VPS13A: variants seen among roughly 807,000 people sequenced by gnomAD.
VPS13A encodes the protein intermembrane lipid transfer protein VPS13A.
VPS13A carries 264 observed loss-of-function variants against 390.9 expected under a neutral mutation model. That is an observed-to-expected ratio of 0.68 (90% confidence interval 0.61 to 0.75). The LOEUF is 0.75. VPS13A is among the 30% of genes least tolerant of loss of function. VPS13A has a pLI of 0.00. For missense variants in VPS13A, 3,409 were observed against 3,733.9 expected, an observed-to-expected ratio of 0.91 and a Z score of 2.27; for synonymous variants, 1,231 against 1,227.1, an observed-to-expected ratio of 1.00 and a Z score of -0.07.
At position 77,221,278 on chromosome 9, in the gene VPS13A, A is replaced by G. The variant is rs752820727; in HGVS notation, c.1083A>G (p.Lys361=). ...SWKHIRKHRQ[K]VKQYKELYKK... ...AGCATATTAGAAAACATAGGCAAAAAGTGAAGCAATATAAAGAACTGTATA... is the reference window on the plus strand; with the variant it reads ...AGCATATTAGAAAACATAGGCAAAAGGTGAAGCAATATAAAGAACTGTATA... The change falls in exon 13 of 72, where the codon AAA becomes AAG. Residue 361 remains lysine (K), a synonymous_variant. Transcript: ENST00000360280. The G allele has an allele frequency of 6.2e-7, 1 of 1,613,578 alleles. No homozygotes were observed. The highest frequency in any genetic ancestry group is 1.7e-5 in the Admixed American group (1 of 59,988).
chr9:77,199,967 T>TA lies in VPS13A; in HGVS notation c.123_124insA (p.Gln42ThrfsTer3). On this transcript the variant is annotated frameshift_variant, in exon 2 of 72. Transcript: ENST00000360280. LOFTEE classifies it high-confidence loss of function. ...TAGGAGCTGTGGCCCTCAAGAATCT[T>TA]CAAATTAAAGAAAATGCCCTGGTAG... 6.2e-7 allele frequency: 1 copy of TA among 1,608,874 alleles called. No homozygotes were observed. Among genetic ancestry groups the TA allele is most frequent in the Non-Finnish European group, 8.5e-7 (1 of 1,177,726 alleles).
Position 77,220,447 on chromosome 9 carries a change from G to A in VPS13A, c.989+64G>A, listed in dbSNP as rs115990821. 719 of 1,122,532 alleles carry A rather than the reference G, an allele frequency of 6.4e-4. 2 individuals are homozygous for A. In the African/African-American group the frequency reaches 0.01, roughly 16 times the overall value. The allele number at this position is 1,122,532 out of a possible 1,614,324, so 69.5% of individuals were successfully genotyped here. A position where few individuals can be genotyped will look rare whatever the true frequency, so the allele number is the denominator to read the frequency against. On this transcript the variant is annotated intron_variant, in intron 12 of 71. Transcript: ENST00000360280. ...AATACAACATAAAAATAAATTTCTC[G>A]ACTTCAAGAATAATCTTTAAGATAT...
intron 45 of VPS13A, among the ~76,000 whole-genome samples, chr9:77,325,331 AG>A (rs1319338905): frequency 2.6e-5 from 4 of 151,766 alleles, no homozygotes; most frequent in Non-Finnish European, 5.9e-5. Flanking sequence ...CCATGGCTCA[AG>A]GGCTGGGGAC....
At chr9:77,228,397 GTT>G in intron 17 of VPS13A, 133 bp downstream of exon 17, 3 of 764,768 alleles carry the variant, frequency 3.9e-6, no homozygotes, top group Non-Finnish European at 5.6e-6. Flanking sequence ...CAGGAAAAAG[GTT>G]TTTTTTTTAA....
intron 61 of VPS13A, among the ~76,000 whole-genome samples, chr9:77,367,388 TA>T (rs1254145622): frequency 4.6e-5 from 7 of 152,194 alleles, no homozygotes; most frequent in Non-Finnish European, 8.8e-5. Flanking sequence ...TAGAAGAGAA[TA>T]ACCCTTTCAA....
chr9:77,284,807 G>C (rs1827239875), intron 31 of VPS13A, among the ~76,000 whole-genome samples: 1 of 151,942 alleles, frequency 6.6e-6, no homozygotes, highest in Non-Finnish European at 1.5e-5. Context: ...GGGTTTCAGT[G>C]ATTCTCGTGC....
intron 1 of VPS13A, among the ~76,000 whole-genome samples, chr9:77,189,852 C>CT (rs35434052): frequency 0.2 from 29,829 of 151,960 alleles, 3,790 homozygotes; most frequent in East Asian, 0.4. Context: ...GCATTTTATT[C>CT]TTTTTGTGGC....
In VPS13A at chr9:77,214,211, G is replaced by T. The variant is rs1822711920; in HGVS notation, c.697-118G>T. The T allele has an allele frequency of 2.3e-5, 19 of 819,076 alleles. No individual in the cohort carries two copies. The Admixed American group carries it at 3.4e-4, about 15-fold the overall frequency. The allele number at this position is 819,076 out of a possible 1,614,324, so 50.7% of individuals were successfully genotyped here. The stretch of plus-strand genomic sequence containing the variant: ...GAATCGCATGAGTCCATGAGACAGG[G>T]GTTGCAGTGAGCTGAGATTGCACCA... On this transcript the variant is annotated intron_variant, in intron 9 of 71. Transcript: ENST00000360280.
At chr9:77,237,101 G>T (rs1378697406) in intron 17 of VPS13A, among the ~76,000 whole-genome samples, 3 of 151,992 alleles carry the variant, frequency 2.0e-5, no homozygotes, top group East Asian at 3.9e-4. Flanking sequence ...TGTTGGCCAG[G>T]ATGGTCTCGA....
chr9:77,349,844 A>C (rs752172156), intron 52 of VPS13A, among the ~76,000 whole-genome samples: 42 of 152,018 alleles, frequency 2.8e-4, no homozygotes, highest in Middle Eastern at 3.2e-3. Flanking sequence ...GGGTTTCACC[A>C]TGTTGGCCAG....
intron 19 of VPS13A, among the ~76,000 whole-genome samples, chr9:77,245,339 A>G (rs541894583): frequency 6.6e-6 from 1 of 152,370 alleles, no homozygotes; most frequent in Admixed American, 6.5e-5. Context: ...AAATGAAGAT[A>G]GAGAAATGCT....
chr9:77,204,933 C>G (rs1385353779), intron 3 of VPS13A, among the ~76,000 whole-genome samples: 1 of 152,080 alleles, frequency 6.6e-6, no homozygotes, highest in African/African-American at 2.4e-5. Flanking sequence ...CTGGCCTAAT[C>G]TACCATCTTA....
intron 46 of VPS13A, among the ~76,000 whole-genome samples, chr9:77,333,501 A>C (rs1042284282): frequency 1.4e-5 from 2 of 138,212 alleles, no homozygotes; most frequent in South Asian, 4.4e-4. Context: ...GCGGGATCTC[A>C]GCTCCCAGGT....
chr9:77,293,172 A>T (rs1463527049), intron 31 of VPS13A, among the ~76,000 whole-genome samples, 169 bp from the exon 32 acceptor site: 2 of 152,204 alleles, frequency 1.3e-5, no homozygotes, highest in African/African-American at 4.8e-5. Flanking sequence ...TTTGTAGTGT[A>T]GGTTCCAATA....
intron 10 of VPS13A, among the ~76,000 whole-genome samples, chr9:77,215,745 G>T (rs1822825890): frequency 6.6e-6 from 1 of 152,242 alleles, no homozygotes; most frequent in Non-Finnish European, 1.5e-5. Context: ...AGACCTTGTT[G>T]GAGGACATAG....
intron 23 of VPS13A, among the ~76,000 whole-genome samples, chr9:77,261,136 T>G (rs1176948869): frequency 6.6e-6 from 1 of 151,984 alleles, no homozygotes; most frequent in East Asian, 1.9e-4. Context: ...CCTGACCTTG[T>G]GATCCACCCG....
intron 46 of VPS13A, among the ~76,000 whole-genome samples, chr9:77,336,920 C>T (rs953332549): frequency 1.3e-5 from 2 of 150,844 alleles, no homozygotes; most frequent in Admixed American, 1.3e-4. Flanking sequence ...CCTCAGCCTC[C>T]TGAGTAGCTG....
intron 19 of VPS13A, among the ~76,000 whole-genome samples, 199 bp downstream of exon 19, chr9:77,238,585 A>G (rs1200155402): frequency 9.8e-5 from 15 of 152,334 alleles, no homozygotes; most frequent in Non-Finnish European, 1.9e-4. Flanking sequence ...CAGAAAGTTC[A>G]TACCTAGTAA....
intron 35 of VPS13A, among the ~76,000 whole-genome samples, chr9:77,312,045 T>C (rs1829103663): frequency 6.6e-6 from 1 of 152,072 alleles, no homozygotes; most frequent in African/African-American, 2.4e-5. Flanking sequence ...GAGTAAGATA[T>C]TAGAAATGAA....
Sources: gnomAD v4.1 joint callset for allele counts (sites outside exome capture counted in the v4.1 genomes callset) on GRCh38, gnomAD v4.1.1 for gene constraint, MANE v1.5 for transcripts, NCBI Gene and HGNC (gene_info 2026-07-23, HGNC 2026-07-21) for gene names.